The following MAGI2 variants were observed in gnomAD, a reference collection of about 807,000 sequenced individuals.
The protein encoded by MAGI2 is membrane associated guanylate kinase, WW and PDZ domain containing 2, also known as membrane-associated guanylate kinase, WW and PDZ domain-containing protein 2.
A neutral mutation model predicts 133.3 loss-of-function variants in MAGI2; 35 were observed. That is an observed-to-expected ratio of 0.26 (90% confidence interval 0.20 to 0.35). MAGI2 has a LOEUF of 0.35. Ranked by LOEUF, MAGI2 falls within the 10% of genes least tolerant of loss-of-function variation. MAGI2 has a pLI of 1.00. For synonymous variants in MAGI2, 729 were observed against 710.6 expected (o/e 1.03, Z -0.41); for missense variants, 1,636 against 1,863.4 (o/e 0.88, Z 2.25).
chr7:78,108,642 ATGTGTG>A (rs71844818), intron 20 of MAGI2, among the ~76,000 whole-genome samples: 18,978 of 148,710 alleles, frequency 0.13, 1,435 homozygotes, highest in Non-Finnish European at 0.18. Context: ...CTCTCTCTGT[ATGTGTG>A]TGTGTGTGTG....
rs111840837 is a variant in MAGI2, at chr7:79,006,955, C to T, written c.418+135G>A. 4.9e-4 allele frequency: 289 copies of T among 589,504 alleles called. 3 individuals are homozygous for T. In the African/African-American group the frequency reaches 5.1e-3, roughly 10 times the overall value. The allele number at this position is 589,504 out of a possible 1,614,324, so 36.5% of individuals were successfully genotyped here. A position where few individuals can be genotyped will look rare whatever the true frequency, so the allele number is the denominator to read the frequency against. ...TAAGCATTTGCACTTAAAATTGCCA[C>T]ATCTCAAATAAGTTTTCTGTTCCAA... On this transcript the variant is annotated intron_variant, in intron 2 of 21. Coordinates refer to ENST00000354212, the MANE Select transcript of MAGI2 (RefSeq NM_012301.4).
chr7:78,865,712 T>C (rs1016854957), intron 2 of MAGI2, among the ~76,000 whole-genome samples: 28 of 152,192 alleles, frequency 1.8e-4, no homozygotes, highest in Non-Finnish European at 5.9e-5. Flanking sequence ...TTATGAAGAA[T>C]GGGAAAACAG....
At chr7:79,322,714 A>G (rs1004334415) in intron 1 of MAGI2, among the ~76,000 whole-genome samples, 1 of 151,018 alleles carries the variant, frequency 6.6e-6, no homozygotes, top group Non-Finnish European at 1.5e-5. Flanking sequence ...TGAACCCGGG[A>G]GGCAGAGGTT....
rs1183676734 is a variant in MAGI2, at chr7:78,836,358, TG to T, written c.418+170731del. ...TGTACAACAGACTGCATATGCATTA[TG>T]GCACAGTATCAGATCTTTTCAAATA... On this transcript the variant is annotated intron_variant, in intron 2 of 21. Transcript: ENST00000354212. Among the ~76,000 whole-genome samples the T allele has an allele frequency of 7.9e-5, 12 of 152,338 alleles. No homozygotes were observed. In the South Asian group the frequency reaches 2.3e-3, roughly 29 times the overall value.
chr7:79,331,281 T>C (rs1840054765), intron 1 of MAGI2, among the ~76,000 whole-genome samples: 1 of 152,150 alleles, frequency 6.6e-6, no homozygotes, highest in South Asian at 2.1e-4. Flanking sequence ...ATGCAAAGTT[T>C]CACCAGTTGT....
intron 21 of MAGI2, among the ~76,000 whole-genome samples, chr7:78,023,323 T>C (rs1361826411): frequency 1.3e-5 from 2 of 152,336 alleles, no homozygotes; most frequent in South Asian, 2.1e-4. Flanking sequence ...CTTCAGACGA[T>C]GTTTTTCTCC....
At chr7:78,105,632 A>G (rs1446683303) in intron 20 of MAGI2, among the ~76,000 whole-genome samples, 2 of 152,094 alleles carry the variant, frequency 1.3e-5, no homozygotes, top group Non-Finnish European at 2.9e-5. Flanking sequence ...ATATGTTTGA[A>G]TCATTCATTT....
chr7:78,938,062 G>A (rs1800657609), intron 2 of MAGI2, among the ~76,000 whole-genome samples: 2 of 152,026 alleles, frequency 1.3e-5, no homozygotes, highest in Admixed American at 1.3e-4. Context: ...CAAAATATAA[G>A]TGACTGTTAA....
intron 2 of MAGI2, among the ~76,000 whole-genome samples, chr7:78,728,962 G>A (rs1214145889): frequency 1.3e-5 from 2 of 152,076 alleles, no homozygotes; most frequent in African/African-American, 4.8e-5. Context: ...GGTACAACTA[G>A]TTCTTAGGCT....
intron 21 of MAGI2, among the ~76,000 whole-genome samples, chr7:78,056,961 G>A (rs1422035644): frequency 1.3e-5 from 2 of 151,652 alleles, no homozygotes; most frequent in Non-Finnish European, 2.9e-5. Flanking sequence ...TAAATATTGT[G>A]AATAATGCTG....
At chr7:78,571,570 G>A (rs1801503599) in intron 3 of MAGI2, among the ~76,000 whole-genome samples, 2 of 152,092 alleles carry the variant, frequency 1.3e-5, no homozygotes, top group Admixed American at 1.3e-4. Flanking sequence ...TAGTCATGTT[G>A]GATGGATGGT....
chr7:79,215,574 A>AACTCTTTTG (rs1202845044), intron 1 of MAGI2, among the ~76,000 whole-genome samples: 1 of 151,928 alleles, frequency 6.6e-6, no homozygotes, highest in Non-Finnish European at 1.5e-5. Flanking sequence ...ATAATAATTG[A>AACTCTTTTG]ACTCTTTTGA....
chr7:78,621,475 GAA>G (rs906576634), intron 3 of MAGI2, among the ~76,000 whole-genome samples: 2 of 151,980 alleles, frequency 1.3e-5, no homozygotes, highest in Admixed American at 6.6e-5. Context: ...CCGAGTCATG[GAA>G]AAGAGTCCCT....
At position 78,501,595 on chromosome 7, in the gene MAGI2, C is replaced by T; in HGVS notation, c.947G>A (p.Gly316Asp). ...DNWEMAYTEK[G>D]EVYFIDHNTK... ...AACTCACTCAATGAAGTAGACTTCG[C>T]CCTTCTCTGTATAGGCCATTTCCCA... The change falls in exon 5 of 22, where the codon GGC (glycine) becomes GAC (aspartate). Residue 316 changes from glycine to aspartate, a missense_variant. Around this residue, in one of 5 missense-constraint regions of MAGI2, gnomAD observed 920 missense variants for 1,093.5 expected, o/e 0.84. Coordinates refer to ENST00000354212, the MANE Select transcript of MAGI2 (RefSeq NM_012301.4). 1.2e-6 allele frequency: 2 copies of T among 1,613,898 alleles called. No homozygotes were observed. Among genetic ancestry groups the T allele is most frequent in the Non-Finnish European group, 1.7e-6 (2 of 1,180,012 alleles).
rs571282118 is a variant in MAGI2, at chr7:78,568,935, G to A, written c.539-47290C>T. Among the ~76,000 whole-genome samples the A allele has an allele frequency of 4.6e-5, 7 of 152,006 alleles. No homozygotes were observed. The East Asian group carries it at 5.8e-4, about 13-fold the overall frequency. On this transcript the variant is annotated intron_variant, in intron 3 of 21. Coordinates refer to ENST00000354212, the MANE Select transcript of MAGI2 (RefSeq NM_012301.4). ...CTGACTTCCTTGCTATTCCTTGACC[G>A]TTCTGCACATGCTCTTCCCTCAGGC... is the stretch of plus-strand genomic sequence containing the variant.
intron 1 of MAGI2, among the ~76,000 whole-genome samples, chr7:79,238,472 G>T (rs1190659060): frequency 2.0e-5 from 3 of 151,960 alleles, no homozygotes; most frequent in Non-Finnish European, 4.4e-5. Flanking sequence ...TAGTATTATG[G>T]CAGGACATAT....
chr7:78,737,589 C>T (rs922314660), intron 2 of MAGI2, among the ~76,000 whole-genome samples: 3 of 152,082 alleles, frequency 2.0e-5, no homozygotes, highest in Non-Finnish European at 2.9e-5. Flanking sequence ...ACCAATATAA[C>T]ATATTGCAAC....
chr7:79,240,310 T>A (rs1832287540), intron 1 of MAGI2, among the ~76,000 whole-genome samples: 1 of 151,434 alleles, frequency 6.6e-6, no homozygotes, highest in Non-Finnish European at 1.5e-5. Context: ...ATAGTTTGGT[T>A]TGTTTGGAAT....
intron 12 of MAGI2, among the ~76,000 whole-genome samples, chr7:78,187,758 G>A (rs1335036316): frequency 6.6e-6 from 1 of 152,120 alleles, no homozygotes; most frequent in African/African-American, 2.4e-5. Flanking sequence ...TATGAGGGAT[G>A]GAAGACTGCT....
Sources: gnomAD v4.1 joint callset for allele counts (sites outside exome capture counted in the v4.1 genomes callset) on GRCh38, gnomAD v4.1.1 for gene constraint, gnomAD v4.1.1 regional missense constraint, MANE v1.5 for transcripts, NCBI Gene and HGNC (gene_info 2026-07-23, HGNC 2026-07-21) for gene names.